Variants in UGT1A9 observed in about 807,000 individuals in gnomAD.
UGT1A9 encodes the protein UDP-glucuronosyltransferase 1A9.
UGT1A9 carries 35 observed loss-of-function variants against 45.0 expected under a neutral mutation model. That is an observed-to-expected ratio of 0.78 (90% CI 0.59 to 1.03). The LOEUF is 1.03. UGT1A9 is among the 50% of genes least tolerant of loss of function. The probability of loss-of-function intolerance (pLI) is 0.00; values close to 1 mark genes in which losing one functional copy is unlikely to be tolerated. For synonymous variants in UGT1A9, 278 were observed against 250.6 expected, an observed-to-expected ratio of 1.11 and a Z score of -1.03; for missense variants, 687 against 666.6, an observed-to-expected ratio of 1.03 and a Z score of -0.34.
At chr2:233,679,112 A>T (rs1384013743) in intron 1 of UGT1A9, among the ~76,000 whole-genome samples, 1 of 152,184 alleles carries the variant, frequency 6.6e-6, no homozygotes, top group Non-Finnish European at 1.5e-5. Flanking sequence ...TGAGTTCTAA[A>T]TTTCCTTAAG....
At chr2:233,684,922 A>G (rs573693941) in intron 1 of UGT1A9, among the ~76,000 whole-genome samples, 3 of 151,414 alleles carry the variant, frequency 2.0e-5, no homozygotes, top group African/African-American at 7.2e-5. Context: ...CTTGTTAGAC[A>G]ACAGGATTCA....
intron 1 of UGT1A9, chr2:233,747,729 T>A: frequency 6.2e-7 from 1 of 1,613,510 alleles, no homozygotes. Context: ...TGTGTTTTTT[T>A]TGAGGAACAT....
chr2:233,751,453 T>C (rs1694732697), intron 1 of UGT1A9, among the ~76,000 whole-genome samples: 2 of 152,190 alleles, frequency 1.3e-5, no homozygotes, highest in African/African-American at 4.8e-5. Flanking sequence ...GGAAGATTGT[T>C]GGGAAGGCAC....
At chr2:233,708,544 G>A (rs1488651265) in intron 1 of UGT1A9, 1 of 152,200 alleles carries the variant, frequency 6.6e-6, no homozygotes, top group Non-Finnish European at 1.5e-5. Context: ...TTGAGCCCAG[G>A]AGTTTGAGAC....
rs1409384005 is a variant in UGT1A9 at position 233,735,868 on chromosome 2, C to T, written c.856-31166C>T. ...TCTCTTCTGTCTTGTAGGGTTTCTG[C>T]AGAGAGATCTGCTGTTAGTCTGATG... On this transcript the variant is annotated intron_variant, in intron 1 of 4. Transcript: ENST00000354728. Among the ~76,000 whole-genome samples, 5 of 152,262 alleles carry T rather than the reference C, an allele frequency of 3.3e-5. No homozygotes were observed. The East Asian group carries it at 7.7e-4, about 23-fold the overall frequency.
At chr2:233,748,890 T>C (rs1434847115) in intron 1 of UGT1A9, among the ~76,000 whole-genome samples, 1 of 151,534 alleles carries the variant, frequency 6.6e-6, no homozygotes, top group African/African-American at 2.4e-5. Flanking sequence ...TGGACATGTG[T>C]CCAAGAAGGG....
intron 1 of UGT1A9, among the ~76,000 whole-genome samples, chr2:233,707,881 G>T (rs1356249907): frequency 6.6e-6 from 1 of 152,126 alleles, no homozygotes. Flanking sequence ...GATTGCTAAG[G>T]CATTAGTTAT....
At chr2:233,729,271 C>G (rs45595237) in intron 1 of UGT1A9, 3 of 1,614,050 alleles carry the variant, frequency 1.9e-6, no homozygotes, top group Non-Finnish European at 8.5e-7. Flanking sequence ...GGAGGTCTTG[C>G]GGGAGCTCCA....
At chr2:233,743,546 C>A (rs1478983840) in intron 1 of UGT1A9, 1 of 1,367,310 alleles carries the variant, frequency 7.3e-7, no homozygotes, top group African/African-American at 1.5e-5. Context: ...CTCTGACCCC[C>A]CCAAAATATT....
At position 233,672,718 on chromosome 2, in the gene UGT1A9, C is replaced by A; in HGVS notation, c.784C>A (p.Pro262Thr). Residue 262 changes from proline to threonine, a missense_variant, in exon 1 of 5, where the codon CCC (proline) becomes ACC (threonine). Physicochemically the swap from Pro to Thr is conservative, Grantham distance 38. Coordinates refer to ENST00000354728, the MANE Select transcript of UGT1A9 (RefSeq NM_021027.3). ...GCGAACGGACTTTGTTTTGGACTAT[C>A]CCAAACCCGTGATGCCCAACATGAT... The part of the protein sequence containing the change: ...LLRTDFVLDY[P>T]KPVMPNMIFI... The A allele has an allele frequency of 6.2e-7, 1 of 1,613,902 alleles. No homozygotes were observed. The highest frequency in any genetic ancestry group is 8.5e-7 in the Non-Finnish European group (1 of 1,179,834).
At chr2:233,702,551 G>A (rs1489812994) in intron 1 of UGT1A9, among the ~76,000 whole-genome samples, 1 of 152,126 alleles carries the variant, frequency 6.6e-6, no homozygotes, top group Admixed American at 6.5e-5. Flanking sequence ...CTTAGGTGGG[G>A]AAGTATTCAG....
chr2:233,704,140 C>T (rs1322869617), intron 1 of UGT1A9, among the ~76,000 whole-genome samples: 3 of 152,114 alleles, frequency 2.0e-5, no homozygotes, highest in Non-Finnish European at 4.4e-5. Flanking sequence ...ATCCACCCGC[C>T]TCAGCCTTTC....
intron 1 of UGT1A9, chr2:233,755,307 C>T (rs547203505): frequency 5.2e-6 from 3 of 580,082 alleles, no homozygotes; most frequent in African/African-American, 1.9e-5. Context: ...ACTGGCACAG[C>T]GAGCGGCAAG....
chr2:233,673,759 TA>T (rs1338791062), intron 1 of UGT1A9, among the ~76,000 whole-genome samples: 13 of 152,216 alleles, frequency 8.5e-5, no homozygotes, highest in African/African-American at 3.1e-4. Flanking sequence ...TATGGGTAAT[TA>T]AGGTTTTGTT....
At chr2:233,729,139 C>G (rs527426104) in intron 1 of UGT1A9, 1 of 1,613,374 alleles carries the variant, frequency 6.2e-7, no homozygotes, top group Admixed American at 1.7e-5. Context: ...GGCCACAGGA[C>G]TCCAGGTTCC....
At chr2:233,707,968 C>T (rs2075997413) in intron 1 of UGT1A9, among the ~76,000 whole-genome samples, 2 of 152,302 alleles carry the variant, frequency 1.3e-5, no homozygotes, top group Admixed American at 1.3e-4. Flanking sequence ...CCATTCAAGT[C>T]TATTGCCCAC....
chr2:233,718,946 C>T (rs1373518014), intron 1 of UGT1A9: 1 of 1,614,072 alleles, frequency 6.2e-7, no homozygotes, highest in African/African-American at 1.3e-5. Context: ...GCCCCTGGCT[C>T]AGCATGCGGG....
At chr2:233,685,276 GC>G (rs2074732417) in intron 1 of UGT1A9, among the ~76,000 whole-genome samples, 1 of 152,030 alleles carries the variant, frequency 6.6e-6, no homozygotes, top group African/African-American at 2.4e-5. Flanking sequence ...CAAGTGATCC[GC>G]CCGCCTCCGC....
chr2:233,677,523 T>A (rs1347781617), intron 1 of UGT1A9, among the ~76,000 whole-genome samples: 1 of 152,126 alleles, frequency 6.6e-6, no homozygotes, highest in Non-Finnish European at 1.5e-5. Context: ...ATTATGACAA[T>A]GCAGCTAGCT....
Sources: allele counts gnomAD v4.1 joint callset (sites outside exome capture counted in the v4.1 genomes callset), GRCh38; gene constraint gnomAD v4.1.1; transcripts MANE v1.5; gene names NCBI Gene and HGNC (gene_info 2026-07-23, HGNC 2026-07-21).